JADE3: variants seen among roughly 807,000 people sequenced by gnomAD.
JADE3 encodes the protein jade family PHD finger 3, also known as protein Jade-3.
A neutral mutation model predicts 50.1 loss-of-function variants in JADE3; 2 were observed. That is an observed-to-expected ratio of 0.04 (90% CI 0.02 to 0.13). JADE3 has a LOEUF of 0.13. JADE3 is among the 10% of genes least tolerant of loss of function. JADE3 has a pLI of 1.00. For missense variants in JADE3, 475 were observed against 634.4 expected (o/e 0.75, Z 2.70); for synonymous variants, 218 against 232.9 (o/e 0.94, Z 0.58).
At chrX:47,035,252 C>T (rs1569538266) in intron 7 of JADE3, among the ~76,000 whole-genome samples, 1 of 111,477 alleles carries the variant, frequency 9.0e-6, no homozygotes, top group Non-Finnish European at 1.9e-5. Context: ...ATCAGTAACT[C>T]ATTCTCCTTT....
At chrX:47,012,316 T>C (rs1928579051) in intron 4 of JADE3, among the ~76,000 whole-genome samples, 1 of 111,492 alleles carries the variant, frequency 9.0e-6, no homozygotes. Flanking sequence ...GTGCAGTGAC[T>C]CACACCTGTA....
rs782286776 is a variant in JADE3, at chrX:46,985,726, C to G, written c.60C>G (p.Ser20=). 8.4e-7 allele frequency: 1 copy of G among 1,195,937 alleles called. No homozygotes were observed. The highest frequency in any genetic ancestry group is 1.8e-5 in the South Asian group (1 of 55,938). Residue 20 remains serine, a synonymous_variant, in exon 3 of 11, where the codon TCC becomes TCG. Coordinates refer to ENST00000614628, the MANE Select transcript of JADE3 (RefSeq NM_014735.5). ...SDSSDESPST[S]FTSGSMYRIK... ...TATCTTTCACAGGTCCTTCCACTTC[C>G]TTTACTTCTGGCTCAATGTATAGGA...
chrX:46,986,486 C>T (rs1301163500), intron 3 of JADE3, among the ~76,000 whole-genome samples: 2 of 112,445 alleles, frequency 1.8e-5, no homozygotes, highest in Non-Finnish European at 3.8e-5. Context: ...TTAGAATATT[C>T]CTCCCCTAAC....
At chrX:46,975,772 T>C (rs1406353574) in intron 1 of JADE3, among the ~76,000 whole-genome samples, 1 of 92,662 alleles carries the variant, frequency 1.1e-5, no homozygotes, top group Non-Finnish European at 2.1e-5. Flanking sequence ...CAGGCTGGTG[T>C]GCAGTGGCAT....
chrX:46,942,683 C>T (rs191355135), intron 1 of JADE3, among the ~76,000 whole-genome samples: 188 of 111,532 alleles, frequency 1.7e-3, no homozygotes, highest in Middle Eastern at 9.1e-3. Flanking sequence ...TATTTAGGCT[C>T]TTTTTTGTTG....
intron 4 of JADE3, among the ~76,000 whole-genome samples, chrX:47,000,956 C>T (rs1331065738): frequency 2.7e-5 from 3 of 111,805 alleles, no homozygotes; most frequent in Admixed American, 9.5e-5. Context: ...TTATTTGTTC[C>T]GAGGGCTTCA....
chrX:46,950,380 C>T (rs1290708627), intron 1 of JADE3, among the ~76,000 whole-genome samples: 3 of 112,464 alleles, frequency 2.7e-5, no homozygotes, highest in South Asian at 3.7e-4. Flanking sequence ...TAAATAGAAG[C>T]GTATAACATA....
At chrX:47,034,151 G>A (rs1383524499) in intron 7 of JADE3, among the ~76,000 whole-genome samples, 1 of 110,978 alleles carries the variant, frequency 9.0e-6, no homozygotes, top group African/African-American at 3.3e-5. Flanking sequence ...AATTTTTTAA[G>A]GTAAAACTTA....
chrX:46,995,492 T>C (rs1301063520), intron 3 of JADE3, among the ~76,000 whole-genome samples: 1 of 111,631 alleles, frequency 9.0e-6, no homozygotes, highest in African/African-American at 3.3e-5. Context: ...GTTAACCTTT[T>C]TTGTTAAGTT....
At chrX:47,007,807 T>TTGTGTG (rs782728907) in intron 4 of JADE3, among the ~76,000 whole-genome samples, 79 of 70,798 alleles carry the variant, frequency 1.1e-3, no homozygotes, top group African/African-American at 2.5e-3. Context: ...TCCTTTTATT[T>TTGTGTG]TGTGTGTGTG....
intron 4 of JADE3, among the ~76,000 whole-genome samples, chrX:47,003,814 C>T (rs1928347277): frequency 1.1e-5 from 1 of 94,635 alleles, no homozygotes; most frequent in Non-Finnish European, 2.1e-5. Flanking sequence ...GTGACATACA[C>T]CAAAATTATA....
intron 1 of JADE3, among the ~76,000 whole-genome samples, chrX:46,922,195 G>A (rs1556337866): frequency 3.6e-5 from 4 of 110,761 alleles, no homozygotes; most frequent in Non-Finnish European, 7.5e-5. Flanking sequence ...TCCCGCGTTA[G>A]TTTGAGGCTG....
At chrX:47,023,623 A>G (rs1556364928) in intron 4 of JADE3, among the ~76,000 whole-genome samples, 1 of 112,748 alleles carries the variant, frequency 8.9e-6, no homozygotes, top group Non-Finnish European at 1.9e-5. Flanking sequence ...ATATAAAGTA[A>G]GTGGCCAGGC....
At chrX:47,049,755 CTTTT>C (rs536912145) in intron 8 of JADE3, among the ~76,000 whole-genome samples, 1 of 55,888 alleles carries the variant, frequency 1.8e-5, no homozygotes, top group Non-Finnish European at 3.3e-5. Flanking sequence ...TCTTCTTCTT[CTTTT>C]TTTTTTTTTT....
At chrX:46,947,918 T>A (rs1926919519) in intron 1 of JADE3, among the ~76,000 whole-genome samples, 1 of 111,264 alleles carries the variant, frequency 9.0e-6, no homozygotes, top group African/African-American at 3.3e-5. Context: ...CCTGTTACTC[T>A]GGGTTCTGGT....
At chrX:47,009,657 C>T (rs1556361144) in intron 4 of JADE3, among the ~76,000 whole-genome samples, 2 of 105,244 alleles carry the variant, frequency 1.9e-5, no homozygotes, top group African/African-American at 3.5e-5. Flanking sequence ...CAGGATCTTA[C>T]TCTCTTGCCC....
chrX:46,991,071 T>TCCCC (rs1174749618), intron 3 of JADE3, among the ~76,000 whole-genome samples: 1 of 304 alleles, frequency 3.3e-3, no homozygotes, highest in African/African-American at 5.2e-3. Flanking sequence ...ACTCCCTCCC[T>TCCCC]CCCCCCCCCC....
At chrX:46,996,152 T>C (rs1450730786) in intron 3 of JADE3, among the ~76,000 whole-genome samples, 1 of 112,127 alleles carries the variant, frequency 8.9e-6, no homozygotes, top group Non-Finnish European at 1.9e-5. Context: ...TTCTCCTGCC[T>C]CAGCCTCCCA....
intron 5 of JADE3, among the ~76,000 whole-genome samples, chrX:47,025,962 A>G (rs897164475): frequency 9.0e-6 from 1 of 111,083 alleles, no homozygotes; most frequent in Non-Finnish European, 1.9e-5. Flanking sequence ...GCAGTTTGGC[A>G]TGGGAATGAT....
Sources: gnomAD v4.1 joint callset for allele counts (sites outside exome capture counted in the v4.1 genomes callset) on GRCh38, gnomAD v4.1.1 for gene constraint, MANE v1.5 for transcripts, NCBI Gene and HGNC (gene_info 2026-07-23, HGNC 2026-07-21) for gene names.